The following TM4SF19 variants were observed in gnomAD, a reference collection of about 807,000 sequenced individuals.
TM4SF19 encodes transmembrane 4 L6 family member 19.
In TM4SF19, 17 loss-of-function variants were observed where a neutral mutation model predicts 21.8. The ratio of observed to expected loss-of-function variants is 0.78; its 90% CI spans 0.53 to 1.17. TM4SF19 has a LOEUF of 1.17. Ranked by LOEUF, TM4SF19 falls within the 50% of genes most tolerant of loss-of-function variation. The pLI is 0.00. For missense variants in TM4SF19, 216 were observed against 252.1 expected (o/e 0.86, Z 0.97); for synonymous variants, 107 against 106.7 (o/e 1.00, Z -0.02).
rs1345161106 is a variant in TM4SF19, at chr3:196,329,568, G to C, written c.-1-1977C>G. Reference sequence around the variant, plus strand: ...CTATAATCCCAGCTACTCGGAGGTTGAGGCAGGAAAATCGCTTGAACCCAG... The same window carrying C: ...CTATAATCCCAGCTACTCGGAGGTTCAGGCAGGAAAATCGCTTGAACCCAG... On this transcript the variant is annotated intron_variant, in intron 1 of 4. Coordinates refer to ENST00000273695, the MANE Select transcript of TM4SF19 (RefSeq NM_138461.4). Among the ~76,000 whole-genome samples, 2 of 122,760 alleles carry C rather than the reference G, an allele frequency of 1.6e-5. 1 individual carries two copies. The highest frequency in any genetic ancestry group is 3.5e-5 in the Non-Finnish European group (2 of 56,372). The allele number at this position is 122,760 out of a possible 152,430, so 80.5% of individuals were successfully genotyped here.
rs147354585 is a variant in TM4SF19, at chr3:196,324,216, GTCTC to G, written c.449+51_449+54del. ...TTGTAGTTCGTCTGTGTGTCTTTTT[GTCTC>G]TCTCTCTCTCTCTGTCTGAAAAGAC... is the stretch of plus-strand genomic sequence containing the variant. On this transcript the variant is annotated intron_variant, in intron 4 of 4. Transcript: ENST00000273695. 865 of 1,484,234 alleles carry G rather than the reference GTCTC, an allele frequency of 5.8e-4. 3 individuals are homozygous for G. The highest frequency in any genetic ancestry group is 1.3e-3 in the South Asian group (112 of 83,776). 91.9% of individuals were successfully genotyped at this position (1,484,234 alleles called of 1,614,324 possible). A position where few individuals can be genotyped will look rare whatever the true frequency, so the allele number is the denominator to read the frequency against.
intron 1 of TM4SF19, among the ~76,000 whole-genome samples, chr3:196,335,975 A>G (rs1410634700): frequency 1.3e-5 from 2 of 152,140 alleles, no homozygotes; most frequent in Non-Finnish European, 2.9e-5. Flanking sequence ...TCATGGGGCC[A>G]GGAGACGCCG....
chr3:196,328,401 G>A (rs1016919357), intron 1 of TM4SF19, among the ~76,000 whole-genome samples: 3 of 151,790 alleles, frequency 2.0e-5, no homozygotes, highest in Non-Finnish European at 2.9e-5. Context: ...GTTTAGCAAC[G>A]TCATAGAATA....
At chr3:196,332,612 TACAC>T (rs145852836) in intron 1 of TM4SF19, among the ~76,000 whole-genome samples, 5 of 148,772 alleles carry the variant, frequency 3.4e-5, no homozygotes, top group Non-Finnish European at 7.5e-5. Flanking sequence ...TGTGTGTACG[TACAC>T]ACACACACAC....
At chr3:196,326,476 A>G (rs1560201572) in intron 3 of TM4SF19, among the ~76,000 whole-genome samples, 1 of 152,128 alleles carries the variant, frequency 6.6e-6, no homozygotes, top group African/African-American at 2.4e-5. Context: ...GTAATTAATA[A>G]GGTAGAAATT....
intron 3 of TM4SF19, 58 bp downstream of exon 3, chr3:196,326,897 C>G (rs2108806462): frequency 6.7e-7 from 1 of 1,498,220 alleles, no homozygotes; most frequent in Admixed American, 1.7e-5. Flanking sequence ...CGCCCTGCCT[C>G]TAGAGTAATA....
In TM4SF19 at chr3:196,327,341, C is replaced by T. The variant is rs376674059; in HGVS notation, c.201+49G>A. ...CTTCCCATGCCACCTTCCTGCTCCC[C>T]GCCGGGGTCTCTTTGAGAGTTCACG... On this transcript the variant is annotated intron_variant, in intron 2 of 4. Coordinates refer to ENST00000273695, the MANE Select transcript of TM4SF19 (RefSeq NM_138461.4). The T allele has an allele frequency of 2.6e-5, 41 of 1,572,654 alleles. No individual in the cohort carries two copies. In the African/African-American group the frequency reaches 2.7e-4, roughly 10 times the overall value.
At position 196,327,389 on chromosome 3, in the gene TM4SF19, C is replaced by T; in HGVS notation, c.201+1G>A. ...ACGTTCAGGGAACCCCGGACACTTA[C>T]CATGAGGCCTCCTCCCCAGAGCCCA... On this transcript the variant is annotated splice_donor_variant, in intron 2 of 4. Coordinates refer to ENST00000273695, the MANE Select transcript of TM4SF19 (RefSeq NM_138461.4). LOFTEE classifies it high-confidence loss of function. 1 of 1,613,758 alleles carries T rather than the reference C, an allele frequency of 6.2e-7. No homozygotes were observed.
intron 1 of TM4SF19, among the ~76,000 whole-genome samples, chr3:196,331,590 C>A (rs567620313): frequency 4.9e-4 from 74 of 151,034 alleles, no homozygotes; most frequent in African/African-American, 1.8e-3. Flanking sequence ...GAGTTCAAGA[C>A]CAGCCTGGCC....
rs981408129 is a variant in TM4SF19 at position 196,327,587 on chromosome 3, C to T, written c.4G>A (p.Val2Met). 2 of 1,613,332 alleles carry T rather than the reference C, an allele frequency of 1.2e-6. No homozygotes were observed. The highest frequency in any genetic ancestry group is 2.2e-5 in the South Asian group (2 of 91,060). M[V>M]SSPCTQASSR... ...CTTGCCTGCGTGCAGGGAGAGGACA[C>T]CATCCTGGAACAGATAGAAAGGGAG... The change falls in exon 2 of 5, where the codon GTG (valine) becomes ATG (methionine). Residue 2 changes from valine to methionine, a missense_variant. Physicochemically the swap from Val to Met is conservative, Grantham distance 21. Transcript: ENST00000273695.
intron 1 of TM4SF19, among the ~76,000 whole-genome samples, chr3:196,336,141 TTTTG>T (rs916267452): frequency 2.4e-4 from 36 of 152,124 alleles, no homozygotes; most frequent in Middle Eastern, 3.4e-3. Flanking sequence ...TTGTTTTGTT[TTTTG>T]TTTTTTTTTT....
At position 196,337,051 on chromosome 3, in the gene TM4SF19, CTTTTTT is replaced by C. The variant is rs35897935; in HGVS notation, c.-2+1207_-2+1212del. Among the ~76,000 whole-genome samples the C allele has an allele frequency of 2.1e-3, 144 of 67,824 alleles. 1 individual carries two copies. Among genetic ancestry groups the C allele is most frequent in the South Asian group, 3.9e-3 (7 of 1,780 alleles). 44.5% of individuals were successfully genotyped at this position (67,824 alleles called of 152,430 possible). On this transcript the variant is annotated intron_variant, in intron 1 of 4. Coordinates refer to ENST00000273695, the MANE Select transcript of TM4SF19 (RefSeq NM_138461.4). ...GACACTGCTGACGCAAAAAGCAATT[CTTTTTT>C]TTTTTTTTTTTTTTTTTTTTTGAGA... is the stretch of plus-strand genomic sequence containing the variant.
intron 1 of TM4SF19, among the ~76,000 whole-genome samples, chr3:196,335,456 T>G (rs1577414558): frequency 2.9e-5 from 1 of 34,374 alleles, no homozygotes; most frequent in Non-Finnish European, 5.4e-5. Flanking sequence ...AGGGGAGGGG[T>G]GCCCTGGGAG....
chr3:196,334,822 A>AG (rs1560206369), intron 1 of TM4SF19, among the ~76,000 whole-genome samples: 1 of 54,388 alleles, frequency 1.8e-5, no homozygotes, highest in African/African-American at 7.7e-5. Context: ...GGAGAGAGGA[A>AG]GGGTGCCCTG....
rs1727601466 is a variant in TM4SF19 at position 196,333,393 on chromosome 3, CAAT to C, written c.-2+4868_-2+4870del. Among the ~76,000 whole-genome samples, 4 of 152,090 alleles carry C rather than the reference CAAT, an allele frequency of 2.6e-5. 1 individual carries two copies. In the South Asian group the frequency reaches 8.3e-4, roughly 31 times the overall value. On this transcript the variant is annotated intron_variant, in intron 1 of 4. Transcript: ENST00000273695. ...ATCAGGCATAGTAAGAAGTTCGCAA[CAAT>C]AATAATAAAATAGAACAGTTATAAC...
At chr3:196,338,113 G>A (rs1727846765) in intron 1 of TM4SF19, among the ~76,000 whole-genome samples, 151 bp downstream of exon 1, 1 of 152,228 alleles carries the variant, frequency 6.6e-6, no homozygotes, top group Non-Finnish European at 1.5e-5. Context: ...GAAGTTGACA[G>A]ACTGAGGCAA....
At position 196,325,755 on chromosome 3, in the gene TM4SF19, C is replaced by T. The variant is rs1192133873; in HGVS notation, c.279+1200G>A. Among the ~76,000 whole-genome samples, 3 of 152,074 alleles carry T rather than the reference C, an allele frequency of 2.0e-5. No homozygotes were observed. Among genetic ancestry groups the T allele is most frequent in the Admixed American group, 6.6e-5 (1 of 15,252 alleles). On this transcript the variant is annotated intron_variant, in intron 3 of 4. Transcript: ENST00000273695. The surrounding 1 kb of genome is among the most constrained non-coding windows in gnomAD (Gnocchi z 4.3). Reference sequence around the variant, plus strand: ...TCCCAAAATGGGGTCCCTGCCCAGCCGCATCACATCACCTGAGAACCTGTT... The same window carrying T: ...TCCCAAAATGGGGTCCCTGCCCAGCTGCATCACATCACCTGAGAACCTGTT...
intron 1 of TM4SF19, among the ~76,000 whole-genome samples, chr3:196,328,876 G>A (rs938503379): frequency 4.6e-5 from 7 of 152,278 alleles, no homozygotes; most frequent in Admixed American, 2.0e-4. Context: ...CTGAAGCCAC[G>A]CGTAAGGAAA....
intron 1 of TM4SF19, among the ~76,000 whole-genome samples, chr3:196,331,510 G>A (rs1158623008): frequency 1.3e-5 from 2 of 151,184 alleles, no homozygotes; most frequent in Non-Finnish European, 2.9e-5. Flanking sequence ...ATTTTTAGCC[G>A]GGTGCAGTGG....
Sources: allele counts gnomAD v4.1 joint callset (sites outside exome capture counted in the v4.1 genomes callset), GRCh38; gene constraint gnomAD v4.1.1; non-coding constraint Gnocchi (gnomAD v3.1); transcripts MANE v1.5; gene names NCBI Gene and HGNC (gene_info 2026-07-23, HGNC 2026-07-21).